JMY: variants seen among roughly 807,000 people sequenced by gnomAD.
The protein encoded by JMY is junction-mediating and -regulatory protein.
JMY carries 46 observed loss-of-function variants against 103.3 expected under a neutral mutation model. That is an observed-to-expected ratio of 0.45 (90% CI 0.35 to 0.57). JMY has a LOEUF of 0.57. Among genes scored for constraint, JMY ranks in the 20% least tolerant of loss-of-function variants. JMY has a pLI of 0.00. For missense variants in JMY, 1,238 were observed against 1,255.2 expected (o/e 0.99, Z 0.21); for synonymous variants, 526 against 489.3 (o/e 1.07, Z -0.99).
chr5:79,307,414 G>A (rs1746916870), intron 7 of JMY, among the ~76,000 whole-genome samples: 1 of 152,124 alleles, frequency 6.6e-6, no homozygotes. Context: ...GCATTTTGCT[G>A]TTGTTACGTT....
intron 1 of JMY, among the ~76,000 whole-genome samples, chr5:79,273,725 A>C (rs921040837): frequency 1.3e-5 from 2 of 152,220 alleles, no homozygotes; most frequent in African/African-American, 2.4e-5. Context: ...CTTGAATCCA[A>C]GAGTTCGAGA....
intron 7 of JMY, 47 bp from the exon 8 acceptor site, chr5:79,312,355 TA>T: frequency 8.8e-7 from 1 of 1,137,342 alleles, no homozygotes. Flanking sequence ...CTATTAATGA[TA>T]AAAATTGGGA....
At chr5:79,277,860 T>C (rs1462761991) in intron 1 of JMY, 50 bp from the exon 2 acceptor site, 5 of 1,543,520 alleles carry the variant, frequency 3.2e-6, no homozygotes, top group Non-Finnish European at 3.5e-6. Flanking sequence ...CAAGTATTTA[T>C]AGGTTATTAG....
At chr5:79,275,618 T>C (rs569653323) in intron 1 of JMY, among the ~76,000 whole-genome samples, 5 of 152,222 alleles carry the variant, frequency 3.3e-5, no homozygotes, top group Admixed American at 6.5e-5. Flanking sequence ...GGTCACTCTG[T>C]AGTGCCTACA....
chr5:79,304,728 T>C (rs1359030025), intron 6 of JMY, among the ~76,000 whole-genome samples: 1 of 152,230 alleles, frequency 6.6e-6, no homozygotes, highest in Non-Finnish European at 1.5e-5. Flanking sequence ...GGATATGGTT[T>C]CAGATCTTGC....
chr5:79,279,107 G>A (rs916704055), intron 2 of JMY, among the ~76,000 whole-genome samples: 3 of 152,148 alleles, frequency 2.0e-5, no homozygotes, highest in Non-Finnish European at 2.9e-5. Context: ...GCTGAGGCAG[G>A]TGGATCACCT....
chr5:79,304,042 T>A (rs1424287105), intron 6 of JMY, among the ~76,000 whole-genome samples: 3 of 152,132 alleles, frequency 2.0e-5, no homozygotes, highest in Non-Finnish European at 2.9e-5. Flanking sequence ...TACCAGCTCT[T>A]CCCTTGTTGA....
At position 79,322,505 on chromosome 5, in the gene JMY, A is replaced by G. The variant is rs942940166; in HGVS notation, c.*903A>G. 6.6e-6 allele frequency: 1 copy of G among 152,218 alleles called. No individual in the cohort carries two copies. Among genetic ancestry groups the G allele is most frequent in the Non-Finnish European group, 1.5e-5 (1 of 68,032 alleles). The allele number at this position is 152,218 out of a possible 1,614,324, so 9.4% of individuals were successfully genotyped here. A position where few individuals can be genotyped will look rare whatever the true frequency, so the allele number is the denominator to read the frequency against. The stretch of plus-strand genomic sequence containing the variant: ...AGGGATGCAGATCTTAACTCTTTTC[A>G]CAAATTACCATTTTAAGTTTTTATT... On this transcript the variant is annotated 3_prime_UTR_variant, in exon 11 of 11. Coordinates refer to ENST00000396137, the MANE Select transcript of JMY (RefSeq NM_152405.5).
chr5:79,296,628 C>A (rs1003755394), intron 4 of JMY, among the ~76,000 whole-genome samples: 4 of 152,248 alleles, frequency 2.6e-5, no homozygotes, highest in South Asian at 2.1e-4. Flanking sequence ...ATTACAGGCA[C>A]ATGCCACTAT....
chr5:79,264,548 C>G (rs1700851250), intron 1 of JMY, among the ~76,000 whole-genome samples: 1 of 152,030 alleles, frequency 6.6e-6, no homozygotes, highest in South Asian at 2.1e-4. Flanking sequence ...TGGCATAAAT[C>G]ATGATTTTTA....
At chr5:79,249,010 G>A (rs950847550) in intron 1 of JMY, among the ~76,000 whole-genome samples, 2 of 152,094 alleles carry the variant, frequency 1.3e-5, no homozygotes, top group Non-Finnish European at 1.5e-5. Flanking sequence ...TTATCCTCCC[G>A]CCTTGCCCTC....
chr5:79,313,952 G>A (rs1469481698), intron 8 of JMY, among the ~76,000 whole-genome samples: 2 of 152,130 alleles, frequency 1.3e-5, no homozygotes, highest in Non-Finnish European at 1.5e-5. Context: ...TCCGCCTCCC[G>A]GGTTCAAGCA....
chr5:79,237,560 ATCC>A lies in JMY; in HGVS notation c.913_915del (p.Leu305del). On this transcript the variant is annotated inframe_deletion, in exon 1 of 11. Coordinates refer to ENST00000396137, the MANE Select transcript of JMY (RefSeq NM_152405.5). ...CGGCCTGGACACCTGCGGCTGGAAG[ATCC>A]TCTCCCAGGTGCTCTTCACCGAGAC... The A allele has an allele frequency of 6.2e-7, 1 of 1,613,604 alleles. No individual in the cohort carries two copies. Among genetic ancestry groups the A allele is most frequent in the Non-Finnish European group, 8.5e-7 (1 of 1,179,994 alleles).
intron 4 of JMY, among the ~76,000 whole-genome samples, chr5:79,295,105 G>A (rs996233872): frequency 1.7e-4 from 26 of 152,078 alleles, no homozygotes; most frequent in Admixed American, 2.6e-4. Context: ...TATTTATTGA[G>A]CATTGATTAT....
chr5:79,298,616 A>G (rs1204147663), intron 4 of JMY, among the ~76,000 whole-genome samples: 1 of 152,250 alleles, frequency 6.6e-6, no homozygotes, highest in Non-Finnish European at 1.5e-5. Flanking sequence ...ATTTCCTAAC[A>G]CAGCGGGATC....
chr5:79,287,682 A>C (rs1276883895), intron 2 of JMY, among the ~76,000 whole-genome samples: 1 of 152,324 alleles, frequency 6.6e-6, no homozygotes, highest in African/African-American at 2.4e-5. Context: ...ATTTAAAGTC[A>C]GTTAAACAGC....
At chr5:79,304,935 T>A (rs1277580585) in intron 6 of JMY, among the ~76,000 whole-genome samples, 1 of 152,108 alleles carries the variant, frequency 6.6e-6, no homozygotes, top group African/African-American at 2.4e-5. Context: ...GGAGCAGGGG[T>A]AGGATTCTGT....
intron 10 of JMY, among the ~76,000 whole-genome samples, chr5:79,319,295 G>C (rs1747360455): frequency 6.6e-6 from 1 of 152,188 alleles, no homozygotes; most frequent in Admixed American, 6.5e-5. Flanking sequence ...GGAGACGGCT[G>C]ATGGCTGGAA....
intron 2 of JMY, chr5:79,284,984 C>A: frequency 9.7e-7 from 1 of 1,029,230 alleles, no homozygotes. Flanking sequence ...TGAAACTAGA[C>A]GAACCTCTAG....
Sources: allele counts gnomAD v4.1 joint callset (sites outside exome capture counted in the v4.1 genomes callset), GRCh38; gene constraint gnomAD v4.1.1; transcripts MANE v1.5; gene names NCBI Gene and HGNC (gene_info 2026-07-23, HGNC 2026-07-21).